PTCH1: variants seen among roughly 807,000 people sequenced by gnomAD.
PTCH1 encodes the protein protein patched homolog 1.
A neutral mutation model predicts 144.6 loss-of-function variants in PTCH1; 14 were observed. The observed-to-expected ratio is 0.10, with a 90% CI of 0.06 to 0.15. PTCH1 has a LOEUF of 0.15. Among genes scored for constraint, PTCH1 ranks in the 10% least tolerant of loss-of-function variants. The pLI, the probability that PTCH1 is intolerant of heterozygous loss-of-function variation, is 1.00. For synonymous variants in PTCH1, 833 were observed against 793.6 expected (o/e 1.05, Z -0.83); for missense variants, 1,623 against 1,948.3 (o/e 0.83, Z 3.14).
At chr9:95,512,228 G>T (rs558453772), upstream of PTCH1, among the ~76,000 whole-genome samples, 1 of 152,250 alleles carries the variant, frequency 6.6e-6, no homozygotes, top group East Asian at 1.9e-4. Context: ...TTGATCCCCG[G>T]AGCTTTCAGT....
intron 14 of PTCH1, among the ~76,000 whole-genome samples, chr9:95,468,547 A>C (rs1840245311): frequency 6.6e-6 from 1 of 152,232 alleles, no homozygotes. Context: ...TGCTGCATAG[A>C]GGTTCACTCC....
intron 2 of PTCH1, among the ~76,000 whole-genome samples, chr9:95,496,591 G>A (rs917412511): frequency 2.1e-4 from 32 of 149,436 alleles, no homozygotes; most frequent in Non-Finnish European, 3.4e-4. Flanking sequence ...TCTCTAGAAA[G>A]AGCAGTTAAT....
chr9:95,516,618 C>G (rs1844375378), exon 1 of PTCH1: 1 of 1,607,996 alleles, frequency 6.2e-7, no homozygotes, highest in Non-Finnish European at 8.5e-7. Context: ...TCGTCTCCCC[C>G]TTGCCTTGTC....
chr9:95,454,457 C>G (rs1237732557), intron 19 of PTCH1, among the ~76,000 whole-genome samples: 2 of 152,188 alleles, frequency 1.3e-5, no homozygotes. Flanking sequence ...TTCTCCTTAA[C>G]AGATGAAAAA....
intron 20 of PTCH1, chr9:95,450,287 C>A: frequency 2.8e-6 from 1 of 355,352 alleles, no homozygotes; most frequent in Non-Finnish European, 5.4e-6. Context: ...AATGGCTGGG[C>A]AGACTGAAAG....
rs1055509918 is a variant in PTCH1 at position 95,500,736 on chromosome 9, C to G, written c.394+5671G>C. ...AGGAGAATGAGACCACCAAGGAGTT[C>G]ACACACTAGCCGGGCTTCTGAAGGA... is the stretch of plus-strand genomic sequence containing the variant. On this transcript the variant is annotated intron_variant, in intron 2 of 23. Coordinates refer to ENST00000331920, the MANE Select transcript of PTCH1 (RefSeq NM_000264.5). Among the ~76,000 whole-genome samples the G allele has an allele frequency of 2.6e-5, 4 of 152,150 alleles. No homozygotes were observed. The East Asian group carries it at 7.7e-4, about 29-fold the overall frequency.
intron 22 of PTCH1, 110 bp from the exon 23 acceptor site, chr9:95,447,561 G>A (rs998581209): frequency 2.5e-5 from 30 of 1,176,504 alleles, no homozygotes; most frequent in Non-Finnish European, 3.2e-5. Flanking sequence ...TCAACCCTGG[G>A]GAGCCAATGG....
chr9:95,451,676 A>G (rs371092258), intron 20 of PTCH1: 7 of 152,224 alleles, frequency 4.6e-5, no homozygotes, highest in African/African-American at 1.4e-4. Flanking sequence ...GGGGGTCCCC[A>G]TTATTTGCTG....
In PTCH1 at chr9:95,446,945, G is replaced by A. The variant is rs368571026; in HGVS notation, c.4311C>T (p.Cys1437=). ...AGCTGCTTCCCCGGGGCCTCTCCTCGCATTCCACGTCCTGCAGCTCAATGA... is the reference window on the plus strand; with the variant it reads ...AGCTGCTTCCCCGGGGCCTCTCCTCACATTCCACGTCCTGCAGCTCAATGA... The part of the protein sequence containing the change: ...VEVIELQDVE[C]EERPRGSSSN Residue 1437 remains cysteine (C), a synonymous_variant, in exon 23 of 24, where the codon TGC becomes TGT. Transcript: ENST00000331920. 8 of 1,613,966 alleles carry A rather than the reference G, an allele frequency of 5.0e-6. No individual in the cohort carries two copies. Among genetic ancestry groups the A allele is most frequent in the East Asian group, 4.5e-5 (2 of 44,884 alleles).
chr9:95,482,357 C>A, intron 3 of PTCH1, 154 bp from the exon 4 acceptor site: 1 of 710,576 alleles, frequency 1.4e-6, no homozygotes, highest in East Asian at 2.7e-5. Flanking sequence ...AGAGACCCAG[C>A]AAGCTTGCTT....
At chr9:95,511,649 A>C (rs1250125343), upstream of PTCH1, among the ~76,000 whole-genome samples, 1 of 152,248 alleles carries the variant, frequency 6.6e-6, no homozygotes, top group African/African-American at 2.4e-5. Flanking sequence ...CTGAGTTGAT[A>C]AAGAGCTCAG....
At chr9:95,485,154 C>T (rs941172970) in intron 3 of PTCH1, among the ~76,000 whole-genome samples, 1 of 151,914 alleles carries the variant, frequency 6.6e-6, no homozygotes, top group Non-Finnish European at 1.5e-5. Flanking sequence ...TGCAGTGAGC[C>T]GAGATTACAT....
intron 19 of PTCH1, 96 bp downstream of exon 19, chr9:95,456,180 C>T (rs2136645615): frequency 6.5e-7 from 1 of 1,543,272 alleles, no homozygotes; most frequent in Non-Finnish European, 8.7e-7. Flanking sequence ...CACTGCCACG[C>T]ACAGGGAGAA....
chr9:95,474,348 G>A (rs954459309), intron 12 of PTCH1, among the ~76,000 whole-genome samples: 3 of 152,034 alleles, frequency 2.0e-5, no homozygotes, highest in Non-Finnish European at 4.4e-5. Flanking sequence ...GGGTACCACA[G>A]GGTGCTGAGC....
exon 1 of PTCH1, chr9:95,516,683 T>C (rs1197158646): frequency 3.7e-6 from 6 of 1,613,204 alleles, no homozygotes; most frequent in Non-Finnish European, 5.1e-6. Flanking sequence ...CGTTTTCTTC[T>C]TCTTCTTCTC....
chr9:95,479,725 C>T, intron 7 of PTCH1: 1 of 615,014 alleles, frequency 1.6e-6, no homozygotes. Flanking sequence ...TCCTTAAACC[C>T]TATAGTCAGG....
At chr9:95,459,389 G>A (rs1218216385) in intron 17 of PTCH1, among the ~76,000 whole-genome samples, 1 of 152,202 alleles carries the variant, frequency 6.6e-6, no homozygotes, top group Admixed American at 6.5e-5. Flanking sequence ...GAATGGAGAC[G>A]AGACACTGAT....
Position 95,469,927 on chromosome 9 carries a change from G to A in PTCH1, c.1733C>T (p.Ala578Val), listed in dbSNP as rs960630296. ...GGCAAAATTGAACACCACTACTACC[G>A]CTGCCTGGGAGCAGAAAAAAAATTC... Reference protein sequence around the residue: ...PALRAFSLQAAVVVVFNFAMV... With the variant: ...PALRAFSLQAVVVVVFNFAMV... The change falls in exon 13 of 24, where the codon GCG becomes GTG. Residue 578 changes from alanine to valine, a missense_variant. Ala to Val is a moderately conservative substitution (Grantham distance 64, BLOSUM62 0). Coordinates refer to ENST00000331920, the MANE Select transcript of PTCH1 (RefSeq NM_000264.5). 6.2e-6 allele frequency: 10 copies of A among 1,613,142 alleles called. No individual in the cohort carries two copies. Among genetic ancestry groups the A allele is most frequent in the African/African-American group, 2.7e-5 (2 of 74,880 alleles).
At chr9:95,473,496 G>A (rs1423042069) in intron 12 of PTCH1, among the ~76,000 whole-genome samples, 2 of 150,956 alleles carry the variant, frequency 1.3e-5, no homozygotes, top group Admixed American at 6.6e-5. Context: ...GATGGCCACT[G>A]CAAAAATCAT....
Sources: gnomAD v4.1 joint callset for allele counts (sites outside exome capture counted in the v4.1 genomes callset) on GRCh38, gnomAD v4.1.1 for gene constraint, MANE v1.5 for transcripts, NCBI Gene and HGNC (gene_info 2026-07-23, HGNC 2026-07-21) for gene names.